The following SHISA6 variants were observed in gnomAD, a reference collection of about 807,000 sequenced individuals.
The protein encoded by SHISA6 is shisa family member 6.
SHISA6 carries 22 observed loss-of-function variants against 47.9 expected under a neutral mutation model. The ratio of observed to expected loss-of-function variants is 0.46; its 90% CI spans 0.33 to 0.66. The LOEUF is 0.66. Ranked by LOEUF, SHISA6 falls within the 30% of genes least tolerant of loss-of-function variation. SHISA6 has a pLI of 0.02. For missense variants in SHISA6, 680 were observed against 764.6 expected (o/e 0.89, Z 1.30); for synonymous variants, 388 against 337.8 (o/e 1.15, Z -1.63).
chr17:11,509,178 G>A (rs1181458090), intron 3 of SHISA6, among the ~76,000 whole-genome samples: 1 of 152,194 alleles, frequency 6.6e-6, no homozygotes, highest in African/African-American at 2.4e-5. Flanking sequence ...CAACTCTCCA[G>A]CTCATGGTTT....
At chr17:11,433,122 C>T (rs539643794) in intron 3 of SHISA6, among the ~76,000 whole-genome samples, 223 of 152,174 alleles carry the variant, frequency 1.5e-3, no homozygotes, top group Non-Finnish European at 2.6e-3. Flanking sequence ...GGGGTACATG[C>T]GCAGAATGTG....
At chr17:11,449,196 C>CT (rs1258272330) in intron 3 of SHISA6, among the ~76,000 whole-genome samples, 1 of 151,928 alleles carries the variant, frequency 6.6e-6, no homozygotes, top group Non-Finnish European at 1.5e-5. Flanking sequence ...AATCCTAGCA[C>CT]TTTGAGAGGC....
intron 2 of SHISA6, among the ~76,000 whole-genome samples, chr17:11,353,481 G>A (rs888265550): frequency 3.3e-5 from 5 of 151,832 alleles, no homozygotes; most frequent in Non-Finnish European, 5.9e-5. Context: ...GGGTGAGGCG[G>A]GGGGTCCTCA....
intron 2 of SHISA6, among the ~76,000 whole-genome samples, chr17:11,304,248 A>G (rs1321242861): frequency 6.6e-6 from 1 of 152,190 alleles, no homozygotes; most frequent in African/African-American, 2.4e-5. Context: ...GGACGAAGGC[A>G]CTGGGGAGGT....
chr17:11,418,235 A>G lies in SHISA6; in HGVS notation c.895+38726A>G, dbSNP rs578073016. ...AAAAAATCTTGGTGTCCAAGTTTTG[A>G]TGGTATATCATTTGTCCCATCTCTA... On this transcript the variant is annotated intron_variant, in intron 3 of 5. Coordinates refer to ENST00000441885, the MANE Select transcript of SHISA6 (RefSeq NM_207386.4). Among the ~76,000 whole-genome samples the G allele has an allele frequency of 5.3e-5, 8 of 152,170 alleles. No individual in the cohort carries two copies. The South Asian group carries it at 1.7e-3, about 32-fold the overall frequency.
At chr17:11,356,104 A>G (rs186145675) in intron 2 of SHISA6, among the ~76,000 whole-genome samples, 7 of 152,364 alleles carry the variant, frequency 4.6e-5, no homozygotes, top group Admixed American at 3.9e-4. Context: ...AGTTGTATGT[A>G]GAGAAGTTTC....
chr17:11,299,603 G>T (rs74642450), intron 2 of SHISA6, among the ~76,000 whole-genome samples: 1 of 152,232 alleles, frequency 6.6e-6, no homozygotes, highest in African/African-American at 2.4e-5. Flanking sequence ...GGGGAGAATC[G>T]ATTTCCTTGC....
chr17:11,505,740 T>G (rs963882417), intron 3 of SHISA6, among the ~76,000 whole-genome samples: 1 of 152,218 alleles, frequency 6.6e-6, no homozygotes, highest in Non-Finnish European at 1.5e-5. Flanking sequence ...TATTTTCAAC[T>G]AGAAACGGTT....
chr17:11,433,126 G>C (rs2142291187), intron 3 of SHISA6, among the ~76,000 whole-genome samples: 1 of 152,252 alleles, frequency 6.6e-6, no homozygotes. Flanking sequence ...TACATGCGCA[G>C]AATGTGCAGG....
At chr17:11,482,816 A>C (rs1361156416) in intron 3 of SHISA6, among the ~76,000 whole-genome samples, 3 of 152,194 alleles carry the variant, frequency 2.0e-5, no homozygotes, top group Non-Finnish European at 4.4e-5. Context: ...CCTGTATGTA[A>C]ATAAGTCATT....
chr17:11,310,937 T>C (rs1464927177), intron 2 of SHISA6, among the ~76,000 whole-genome samples: 2 of 151,930 alleles, frequency 1.3e-5, no homozygotes, highest in Non-Finnish European at 2.9e-5. Context: ...TGAAACCCTG[T>C]CTCTACTAAA....
At chr17:11,461,577 G>A (rs1915693109) in intron 3 of SHISA6, among the ~76,000 whole-genome samples, 1 of 152,184 alleles carries the variant, frequency 6.6e-6, no homozygotes, top group African/African-American at 2.4e-5. Context: ...GGCAGAGGGA[G>A]CAGCAGGAAA....
At chr17:11,318,420 T>G (rs1951357509) in intron 2 of SHISA6, among the ~76,000 whole-genome samples, 1 of 152,216 alleles carries the variant, frequency 6.6e-6, no homozygotes, top group Non-Finnish European at 1.5e-5. Context: ...CCACAGGGCC[T>G]TTGCACAAGC....
At chr17:11,420,972 G>A (rs1489389796) in intron 3 of SHISA6, among the ~76,000 whole-genome samples, 8 of 152,176 alleles carry the variant, frequency 5.3e-5, no homozygotes, top group Admixed American at 5.2e-4. Context: ...TCCATGTCAG[G>A]ACTGTATGGG....
At chr17:11,272,727 T>A (rs902102486) in intron 2 of SHISA6, among the ~76,000 whole-genome samples, 1 of 152,152 alleles carries the variant, frequency 6.6e-6, no homozygotes, top group Non-Finnish European at 1.5e-5. Context: ...ACAAAGTGAC[T>A]AGCAATGATG....
At chr17:11,411,457 C>T (rs184595862) in intron 3 of SHISA6, among the ~76,000 whole-genome samples, 8 of 151,948 alleles carry the variant, frequency 5.3e-5, no homozygotes, top group African/African-American at 1.2e-4. Context: ...AGTGCAGTGG[C>T]GTGATCTCGG....
At chr17:11,430,831 CAA>C (rs1673897939) in intron 3 of SHISA6, among the ~76,000 whole-genome samples, 1 of 152,164 alleles carries the variant, frequency 6.6e-6, no homozygotes, top group African/African-American at 2.4e-5. Flanking sequence ...GCAAAGAACA[CAA>C]AGAGAGCAGG....
chr17:11,471,937 A>G (rs1160826356), intron 3 of SHISA6, among the ~76,000 whole-genome samples: 1 of 152,052 alleles, frequency 6.6e-6, no homozygotes, highest in Non-Finnish European at 1.5e-5. Context: ...ACCTACATTT[A>G]TAGACCATTA....
chr17:11,290,167 T>TAA (rs1909471229), intron 2 of SHISA6: 1 of 152,120 alleles, frequency 6.6e-6, no homozygotes, highest in South Asian at 2.1e-4. Context: ...GCATTTTAGG[T>TAA]AGATTTTGTG....
Sources: allele counts gnomAD v4.1 joint callset (sites outside exome capture counted in the v4.1 genomes callset), GRCh38; gene constraint gnomAD v4.1.1; transcripts MANE v1.5; gene names NCBI Gene and HGNC (gene_info 2026-07-23, HGNC 2026-07-21).